ZNF75D: variants seen among roughly 807,000 people sequenced by gnomAD.
ZNF75D encodes zinc finger protein 75.
In ZNF75D, 33 loss-of-function variants were observed where a neutral mutation model predicts 33.3. That is an observed-to-expected ratio of 0.99 (90% CI 0.75 to 1.32). ZNF75D has a LOEUF of 1.32. Among genes scored for constraint, ZNF75D ranks in the 40% most tolerant of loss-of-function variants. The pLI is 0.00. For missense variants in ZNF75D, 338 were observed against 367.5 expected (o/e 0.92, Z 0.66); for synonymous variants, 113 against 130.6 (o/e 0.87, Z 0.92).
At chrX:135,291,289 A>T in intron 5 of ZNF75D, 154 bp from the exon 6 acceptor site, 1 of 814,248 alleles carries the variant, frequency 1.2e-6, no homozygotes, top group South Asian at 2.6e-5. Flanking sequence ...AGGAGCAAAG[A>T]GGATCAGTAA....
intron 2 of ZNF75D, among the ~76,000 whole-genome samples, chrX:135,295,102 C>A (rs898704335): frequency 9.0e-6 from 1 of 111,460 alleles, no homozygotes; most frequent in African/African-American, 3.3e-5. Context: ...TAATGGTAAC[C>A]TTTCTCCTGA....
At chrX:135,259,606 G>C (rs186786596) in intron 1 of ZNF75D, among the ~76,000 whole-genome samples, 1 of 111,317 alleles carries the variant, frequency 9.0e-6, no homozygotes, top group East Asian at 2.8e-4. Flanking sequence ...TGTCTTAATG[G>C]TGTATAGGAA....
chrX:135,288,434 C>T (rs1234352278), intron 6 of ZNF75D, among the ~76,000 whole-genome samples: 1 of 112,265 alleles, frequency 8.9e-6, no homozygotes, highest in Admixed American at 9.4e-5. Flanking sequence ...TACTTTGTAA[C>T]TCAGAAGGCT....
chrX:135,269,806 C>T (rs782055103), intron 1 of ZNF75D, among the ~76,000 whole-genome samples: 6 of 111,551 alleles, frequency 5.4e-5, no homozygotes, highest in Admixed American at 9.5e-5. Flanking sequence ...TGTTTATTGC[C>T]GCACTGGTCA....
At chrX:135,279,375 C>G (rs1472283616) in intron 1 of ZNF75D, among the ~76,000 whole-genome samples, 2 of 111,442 alleles carry the variant, frequency 1.8e-5, no homozygotes, top group Non-Finnish European at 3.8e-5. Context: ...TGATTTTTCT[C>G]TCTTCTTCTT....
In ZNF75D at chrX:135,292,410, A is replaced by T; in HGVS notation, c.475T>A (p.Phe159Ile). 1 of 1,211,546 alleles carries T rather than the reference A, an allele frequency of 8.3e-7. No individual in the cohort carries two copies. The highest frequency in any genetic ancestry group is 1.1e-6 in the Non-Finnish European group (1 of 895,419). The change falls in exon 4 of 7, where the codon TTC becomes ATC. Residue 159 changes from phenylalanine (F) to isoleucine (I), a missense_variant. Phe to Ile is a conservative substitution (Grantham distance 21). Coordinates refer to ENST00000370766, the MANE Select transcript of ZNF75D (RefSeq NM_007131.5). ...TGGGGCTCTGCTGGCTTCCACTTGA[A>T]GCCTGGGGCCACTGCTGTTCCTCCC... ...LLGGTAVAPG[F>I]KWKPAEPQPM... is the part of the protein sequence containing the mutation.
chrX:135,302,510 T>C (rs1332048938), intron 1 of ZNF75D, among the ~76,000 whole-genome samples: 1 of 112,796 alleles, frequency 8.9e-6, no homozygotes, highest in African/African-American at 3.2e-5. Context: ...AATTAGAACA[T>C]ACTTTATTCT....
Position 135,344,095 on chromosome X carries a change from C to T in ZNF75D, c.-2718G>A, listed in dbSNP as rs2084817930. 1.8e-5 allele frequency: 2 copies of T among 112,208 alleles called. No individual in the cohort carries two copies. The highest frequency in any genetic ancestry group is 1.9e-4 in the Admixed American group (2 of 10,661). The allele number at this position is 112,208 out of a possible 1,213,427, so 9.2% of individuals were successfully genotyped here. On this transcript the variant is annotated 5_prime_UTR_variant, in exon 1 of 7. An upstream start codon of the reference 5' UTR is lost. Coordinates refer to ENST00000370766, the MANE Select transcript of ZNF75D (RefSeq NM_007131.5). ...GAACGACACCATTGTATCAAGCGGC[C>T]ATTGGATCAGGTCTAGCCACAATTC...
At position 135,291,499 on chromosome X, in the gene ZNF75D, T is replaced by A. The variant is rs1231172302; in HGVS notation, c.669A>T (p.Ala223=). 3 of 1,212,052 alleles carry A rather than the reference T, an allele frequency of 2.5e-6. No individual in the cohort carries two copies. Among genetic ancestry groups the A allele is most frequent in the East Asian group, 3.0e-5 (1 of 33,872 alleles). ...EQKRIKHWKM[A]SKLILPESLS... ...GGGACTCAGGCAGGATGAGTTTAGA[T>A]GCCATCTTCCAGTGTTTGATTCTTT... Residue 223 remains alanine (A), a synonymous_variant, in exon 5 of 7, where the codon GCA becomes GCT. Coordinates refer to ENST00000370766, the MANE Select transcript of ZNF75D (RefSeq NM_007131.5).
chrX:135,298,397 T>C (rs987601289), intron 1 of ZNF75D: 7 of 111,158 alleles, frequency 6.3e-5, no homozygotes, highest in African/African-American at 2.0e-4. Context: ...TTTTTTTTTA[T>C]TTTACAACTG....
intron 1 of ZNF75D, among the ~76,000 whole-genome samples, chrX:135,325,757 G>A (rs968305798): frequency 1.5e-4 from 17 of 111,201 alleles, no homozygotes; most frequent in African/African-American, 4.7e-4. Context: ...GGGCTCCTGT[G>A]CGGCCTGAGC....
At chrX:135,304,681 A>T (rs2084261802) in intron 1 of ZNF75D, among the ~76,000 whole-genome samples, 2 of 112,624 alleles carry the variant, frequency 1.8e-5, no homozygotes, top group Non-Finnish European at 3.8e-5. Flanking sequence ...TCTGGGACAG[A>T]GTTCCTACAA....
At chrX:135,268,953 C>T (rs782645764) in intron 1 of ZNF75D, among the ~76,000 whole-genome samples, 5 of 111,544 alleles carry the variant, frequency 4.5e-5, no homozygotes, top group Admixed American at 9.5e-5. Flanking sequence ...ACAACACCTA[C>T]AGTGAGCTCA....
At chrX:135,295,224 C>T (rs1224369067) in intron 2 of ZNF75D, among the ~76,000 whole-genome samples, 3 of 111,864 alleles carry the variant, frequency 2.7e-5, no homozygotes, top group African/African-American at 9.8e-5. Flanking sequence ...CCTTGCTGAC[C>T]ATTCAGGCTC....
intron 1 of ZNF75D, among the ~76,000 whole-genome samples, chrX:135,258,005 C>T (rs782185964): frequency 9.2e-6 from 1 of 108,589 alleles, no homozygotes; most frequent in Non-Finnish European, 1.9e-5. Context: ...ATGTTCCCTG[C>T]CCTGTGTCCA....
chrX:135,257,982 G>T (rs78489105), intron 1 of ZNF75D, among the ~76,000 whole-genome samples: 2,555 of 107,921 alleles, frequency 0.024, 40 homozygotes, highest in Middle Eastern at 0.057. Flanking sequence ...CACCCAACAG[G>T]CCCTGGTGTG....
intron 1 of ZNF75D, among the ~76,000 whole-genome samples, chrX:135,304,702 A>G (rs1415028409): frequency 8.9e-6 from 1 of 112,664 alleles, no homozygotes; most frequent in African/African-American, 3.2e-5. Context: ...CCAGTTTCCA[A>G]TTAAAATTGA....
intron 1 of ZNF75D, among the ~76,000 whole-genome samples, chrX:135,258,978 G>A (rs1299060184): frequency 8.9e-6 from 1 of 112,204 alleles, no homozygotes; most frequent in African/African-American, 3.2e-5. Flanking sequence ...TGTATAAGGT[G>A]TAAGGAAGGG....
intron 1 of ZNF75D, among the ~76,000 whole-genome samples, chrX:135,272,894 A>T (rs1352891808): frequency 8.9e-6 from 1 of 111,850 alleles, no homozygotes; most frequent in Non-Finnish European, 1.9e-5. Context: ...TCTAGAAGGT[A>T]TTTAAACCCC....
Sources: gnomAD v4.1 joint callset for allele counts (sites outside exome capture counted in the v4.1 genomes callset) on GRCh38, gnomAD v4.1.1 for gene constraint, MANE v1.5 for transcripts, NCBI Gene and HGNC (gene_info 2026-07-23, HGNC 2026-07-21) for gene names.